Variants in MAGI2 observed in about 807,000 individuals in gnomAD.
MAGI2 encodes the protein membrane-associated guanylate kinase, WW and PDZ domain-containing protein 2.
A neutral mutation model predicts 133.3 loss-of-function variants in MAGI2; 35 were observed. That is an observed-to-expected ratio of 0.26 (90% CI 0.20 to 0.35). The LOEUF is 0.35. MAGI2 is among the 10% of genes least tolerant of loss of function. The pLI is 1.00. For synonymous variants in MAGI2, 729 were observed against 710.6 expected (o/e 1.03, Z -0.41); for missense variants, 1,636 against 1,863.4 (o/e 0.88, Z 2.25).
intron 6 of MAGI2, among the ~76,000 whole-genome samples, chr7:78,408,681 C>T (rs1034367065): frequency 6.6e-6 from 1 of 151,798 alleles, no homozygotes; most frequent in Non-Finnish European, 1.5e-5. Context: ...GTTTAAATTG[C>T]GATGTGCTGA....
At chr7:78,862,557 A>G (rs578047) in intron 2 of MAGI2, among the ~76,000 whole-genome samples, 97,837 of 152,040 alleles carry the variant, frequency 0.64, 32,097 homozygotes, top group Middle Eastern at 0.74. Flanking sequence ...CCTCAACTGC[A>G]TCATTTCCAT....
intron 6 of MAGI2, among the ~76,000 whole-genome samples, chr7:78,404,207 T>C (rs866720411): frequency 3.3e-5 from 5 of 152,124 alleles, no homozygotes; most frequent in African/African-American, 7.2e-5. Flanking sequence ...TGCTCATGGA[T>C]AGGAAGAATC....
Position 78,362,440 on chromosome 7 carries a change from T to A in MAGI2, c.1103+6716A>T, listed in dbSNP as rs1585008259. Reference sequence around the variant, plus strand: ...TGAGTAGTACAGAGGGTCGGGGAGGTAAGTGGGAATTATCAACTATGAACT... The same window carrying A: ...TGAGTAGTACAGAGGGTCGGGGAGGAAAGTGGGAATTATCAACTATGAACT... On this transcript the variant is annotated intron_variant, in intron 7 of 21. Transcript: ENST00000354212. Among the ~76,000 whole-genome samples, 3 of 151,748 alleles carry A rather than the reference T, an allele frequency of 2.0e-5. No homozygotes were observed. In the South Asian group the frequency reaches 6.2e-4, roughly 32 times the overall value.
chr7:79,271,478 G>C (rs1403274713), intron 1 of MAGI2, among the ~76,000 whole-genome samples: 1 of 151,964 alleles, frequency 6.6e-6, no homozygotes, highest in Non-Finnish European at 1.5e-5. Context: ...TTGTGTTCTG[G>C]CTTTATAAAG....
At chr7:79,191,741 C>T (rs758197739) in intron 1 of MAGI2, among the ~76,000 whole-genome samples, 1 of 151,660 alleles carries the variant, frequency 6.6e-6, no homozygotes, top group Non-Finnish European at 1.5e-5. Flanking sequence ...AATGGTCTTC[C>T]ATGAATATAA....
intron 1 of MAGI2, among the ~76,000 whole-genome samples, chr7:79,354,913 C>G (rs10273381): frequency 0.021 from 3,215 of 152,182 alleles, 98 homozygotes; most frequent in African/African-American, 0.075. Flanking sequence ...TGGCTTTTTC[C>G]CCTGGACCCA....
chr7:78,675,959 G>A (rs1814977428), intron 2 of MAGI2, among the ~76,000 whole-genome samples: 1 of 151,984 alleles, frequency 6.6e-6, no homozygotes, highest in African/African-American at 2.4e-5. Context: ...TGTGTCTTAT[G>A]AATCAAGAAT....
At chr7:78,589,774 G>A (rs1292828469) in intron 3 of MAGI2, among the ~76,000 whole-genome samples, 2 of 152,146 alleles carry the variant, frequency 1.3e-5, no homozygotes, top group Non-Finnish European at 2.9e-5. Flanking sequence ...AAGAAATATA[G>A]CATTCTTTGA....
At chr7:78,674,925 T>G (rs915647404) in intron 2 of MAGI2, among the ~76,000 whole-genome samples, 9 of 152,122 alleles carry the variant, frequency 5.9e-5, no homozygotes, top group Non-Finnish European at 8.8e-5. Flanking sequence ...AAAAAGCTCT[T>G]AAGAAGAGAA....
chr7:79,247,427 C>T lies in MAGI2; in HGVS notation c.301+205593G>A, dbSNP rs189707324. ...CCTAGGAATTTGAGAACAGTCTGGG[C>T]AAAATGGTGAGACCTCGTCTCTAAA... On this transcript the variant is annotated intron_variant, in intron 1 of 21. Transcript: ENST00000354212. 2.5e-3 allele frequency among the ~76,000 whole-genome samples: 384 copies of T among 152,108 alleles called. 6 individuals carry two copies. The highest frequency in any genetic ancestry group is 1.9e-3 in the Non-Finnish European group (127 of 67,974).
intron 2 of MAGI2, among the ~76,000 whole-genome samples, chr7:78,904,799 CT>C (rs1361957876): frequency 6.6e-6 from 1 of 152,158 alleles, no homozygotes; most frequent in African/African-American, 2.4e-5. Context: ...CACCCCTCCC[CT>C]GGCCCCCGGG....
At chr7:78,712,310 C>A (rs1167732808) in intron 2 of MAGI2, among the ~76,000 whole-genome samples, 1 of 152,166 alleles carries the variant, frequency 6.6e-6, no homozygotes, top group African/African-American at 2.4e-5. Context: ...CTGCCTGGCA[C>A]TCTGAGGAAG....
intron 2 of MAGI2, among the ~76,000 whole-genome samples, chr7:78,689,505 G>T (rs1003512348): frequency 4.6e-5 from 7 of 151,880 alleles, no homozygotes; most frequent in Non-Finnish European, 1.0e-4. Context: ...ATCTAATTAC[G>T]ATTGATAATA....
At chr7:78,234,881 C>A (rs987334567) in intron 10 of MAGI2, among the ~76,000 whole-genome samples, 1 of 152,022 alleles carries the variant, frequency 6.6e-6, no homozygotes, top group African/African-American at 2.4e-5. Flanking sequence ...AACGAACACT[C>A]CAACAGCAGA....
intron 2 of MAGI2, among the ~76,000 whole-genome samples, chr7:78,941,880 A>G (rs1462326855): frequency 6.6e-6 from 1 of 151,850 alleles, no homozygotes; most frequent in Non-Finnish European, 1.5e-5. Flanking sequence ...GTCACCTTTC[A>G]ACACCTATAT....
chr7:78,512,099 G>C (rs1162994201), intron 4 of MAGI2, among the ~76,000 whole-genome samples: 3 of 151,390 alleles, frequency 2.0e-5, no homozygotes, highest in Admixed American at 2.0e-4. Flanking sequence ...CTCCAGCCTG[G>C]GTGATGGAGC....
chr7:78,826,399 A>C (rs893190807), intron 2 of MAGI2, among the ~76,000 whole-genome samples: 1 of 151,782 alleles, frequency 6.6e-6, no homozygotes, highest in African/African-American at 2.4e-5. Flanking sequence ...AAAAAAGAAA[A>C]CAGTGTAACA....
At chr7:78,828,685 G>A (rs990780462) in intron 2 of MAGI2, among the ~76,000 whole-genome samples, 4 of 152,136 alleles carry the variant, frequency 2.6e-5, no homozygotes, top group Non-Finnish European at 5.9e-5. Context: ...TATGATTGAT[G>A]TACCATATAC....
At chr7:78,645,256 CA>C (rs1197248781) in intron 2 of MAGI2, among the ~76,000 whole-genome samples, 1 of 152,050 alleles carries the variant, frequency 6.6e-6, no homozygotes, top group East Asian at 1.9e-4. Context: ...TAATTCTATA[CA>C]AATTCTTTCA....
Sources: gnomAD v4.1 joint callset for allele counts (sites outside exome capture counted in the v4.1 genomes callset) on GRCh38, gnomAD v4.1.1 for gene constraint, MANE v1.5 for transcripts, NCBI Gene and HGNC (gene_info 2026-07-23, HGNC 2026-07-21) for gene names.